Variants in CELF2 observed in about 807,000 individuals in gnomAD.
CELF2 encodes the protein CUG triplet repeat RNA-binding protein 2.
Under a neutral mutation model 62.6 loss-of-function variants are expected in CELF2, and 8 were observed. The ratio of observed to expected loss-of-function variants is 0.13; its 90% CI spans 0.07 to 0.23. CELF2 has a LOEUF of 0.23. Ranked by LOEUF, CELF2 falls within the 10% of genes least tolerant of loss-of-function variation. The pLI, the probability that CELF2 is intolerant of heterozygous loss-of-function variation, is 1.00. For synonymous variants in CELF2, 258 were observed against 250.0 expected, an observed-to-expected ratio of 1.03 and a Z score of -0.30; for missense variants, 333 against 671.0, an observed-to-expected ratio of 0.50 and a Z score of 5.56.
At chr10:10,674,383 C>T in the CELF2 span, among the ~76,000 whole-genome samples, 9 of 152,108 alleles carry the variant, frequency 5.9e-5, no homozygotes, top group South Asian at 6.2e-4. Context: ...GTTCTTTATC[C>T]GCTTACTTTT....
At chr10:10,824,386 G>A (rs924950476) in intron 1 of CELF2, among the ~76,000 whole-genome samples, 1 of 152,128 alleles carries the variant, frequency 6.6e-6, no homozygotes, top group Non-Finnish European at 1.5e-5. Flanking sequence ...TCACCTCTCA[G>A]TTTTATCCAC....
chr10:11,185,942 C>G (rs554481057), intron 2 of CELF2, among the ~76,000 whole-genome samples: 18 of 152,292 alleles, frequency 1.2e-4, no homozygotes, highest in African/African-American at 3.8e-4. Context: ...TGGTAGAATT[C>G]ATCACATAAG....
In CELF2 at chr10:10,802,522, A is replaced by G. The variant is rs559038203; in HGVS notation, c.53+3705A>G. Among the ~76,000 whole-genome samples the G allele has an allele frequency of 2.7e-5, 4 of 150,068 alleles. No homozygotes were observed. The South Asian group carries it at 6.4e-4, about 24-fold the overall frequency. On this transcript the variant is annotated intron_variant, in intron 1 of 13. Coordinates refer to the CELF2 transcript ENST00000636488. ...TAAACTTGAACATATGCTGAGTGCA[A>G]CAAGATGAGATGTTTATAGATAAGA...
chr10:10,828,524 G>A (rs760074281), intron 1 of CELF2, among the ~76,000 whole-genome samples: 3 of 152,252 alleles, frequency 2.0e-5, no homozygotes, highest in Middle Eastern at 6.8e-3. Context: ...GGGAGAATGG[G>A]GAGCTGTTTA....
At chr10:10,760,236 T>C in the CELF2 span, among the ~76,000 whole-genome samples, 3 of 152,170 alleles carry the variant, frequency 2.0e-5, no homozygotes, top group East Asian at 1.9e-4. Context: ...TCTTGACTCT[T>C]ACCTTTCCTG....
At chr10:11,295,207 AT>A (rs137918228) in intron 9 of CELF2, among the ~76,000 whole-genome samples, 3,607 of 151,012 alleles carry the variant, frequency 0.024, 60 homozygotes, top group Non-Finnish European at 0.037. Context: ...CTCTTGATAG[AT>A]TTTTTTTTTC....
At position 11,284,216 on chromosome 10, in the gene CELF2, T is replaced by C. The variant is rs867048524; in HGVS notation, c.842-4202T>C. The stretch of plus-strand genomic sequence containing the variant: ...GTGGTGGGTGGGTGAGGGATGAGTG[T>C]GTGGTGGGTGGATGAGGGATGGAGG... On this transcript the variant is annotated intron_variant, in intron 8 of 12. Coordinates refer to ENST00000633077, the MANE Select transcript of CELF2 (RefSeq NM_001326342.2). Among the ~76,000 whole-genome samples, 75 of 35,022 alleles carry C rather than the reference T, an allele frequency of 2.1e-3. 2 individuals carry two copies. The highest frequency in any genetic ancestry group is 9.7e-3 in the African/African-American group (64 of 6,572). 23.0% of individuals were successfully genotyped at this position (35,022 alleles called of 152,430 possible). A position where few individuals can be genotyped will look rare whatever the true frequency, so the allele number is the denominator to read the frequency against.
chr10:11,031,671 G>A (rs2060133287), intron 1 of CELF2, among the ~76,000 whole-genome samples: 1 of 152,102 alleles, frequency 6.6e-6, no homozygotes, highest in Non-Finnish European at 1.5e-5. Context: ...TGCTACTGAT[G>A]CAAACATTAT....
At chr10:10,927,123 C>T (rs1378378323) in intron 2 of CELF2, 1 of 152,004 alleles carries the variant, frequency 6.6e-6, no homozygotes, top group East Asian at 1.9e-4. Flanking sequence ...TTTCATCCAG[C>T]TCCATGATTT....
chr10:11,273,645 G>C (rs1212675826), intron 7 of CELF2, among the ~76,000 whole-genome samples: 1 of 152,140 alleles, frequency 6.6e-6, no homozygotes, highest in African/African-American at 2.4e-5. Context: ...AAACTGGAAA[G>C]ACCTGGACTT....
chr10:11,116,103 T>A (rs1181767147), intron 1 of CELF2, among the ~76,000 whole-genome samples: 2 of 152,208 alleles, frequency 1.3e-5, no homozygotes, highest in African/African-American at 2.4e-5. Flanking sequence ...AATTTCTCGA[T>A]AAAATCCTTT....
At chr10:10,859,720 T>C (rs1454150867) in intron 1 of CELF2, among the ~76,000 whole-genome samples, 1 of 152,078 alleles carries the variant, frequency 6.6e-6, no homozygotes, top group African/African-American at 2.4e-5. Flanking sequence ...TGCCACTAGG[T>C]TTTCTGACTC....
the CELF2 span, among the ~76,000 whole-genome samples, chr10:10,693,111 G>A: frequency 1.2e-5 from 1 of 84,430 alleles, no homozygotes; most frequent in Non-Finnish European, 2.4e-5. Context: ...AATGCTTCCA[G>A]TTTTTGCCCA....
intron 1 of CELF2, among the ~76,000 whole-genome samples, chr10:11,149,113 C>T (rs886783693): frequency 6.6e-6 from 1 of 152,164 alleles, no homozygotes; most frequent in East Asian, 1.9e-4. Flanking sequence ...TTCTGTCACC[C>T]AGGCTGGAGT....
In CELF2 at chr10:10,978,037, T is replaced by C. The variant is rs545457103; in HGVS notation, c.89+58038T>C. Among the ~76,000 whole-genome samples, 353 of 148,032 alleles carry C rather than the reference T, an allele frequency of 2.4e-3. 3 individuals carry two copies. The highest frequency in any genetic ancestry group is 8.4e-3 in the African/African-American group (325 of 38,592). ...TTTTGGGTTTGGGTTTTTTTTTGTT[T>C]TTTGTTTTTTTTTTTCCAGAGAAAG... On this transcript the variant is annotated intron_variant, in intron 2 of 13. Coordinates refer to the CELF2 transcript ENST00000636488.
At position 11,243,890 on chromosome 10, in the gene CELF2, C is replaced by T. The variant is rs931807398; in HGVS notation, c.355-5263C>T. 2.0e-5 allele frequency among the ~76,000 whole-genome samples: 3 copies of T among 152,226 alleles called. No individual in the cohort carries two copies. In the South Asian group the frequency reaches 6.2e-4, roughly 32 times the overall value. On this transcript the variant is annotated intron_variant, in intron 3 of 12. Transcript: ENST00000633077. The surrounding 1 kb of genome is among the most constrained non-coding windows in gnomAD (Gnocchi z 4.1). ...ACTCCTTGCAAAAATTCTGGAAGAT[C>T]GTGTACTCCCTTGTCATAGACAGAG...
chr10:11,039,883 T>TG lies in CELF2; in HGVS notation c.74+21725dup, dbSNP rs772884057. Among the ~76,000 whole-genome samples, 6 of 152,176 alleles carry TG rather than the reference T, an allele frequency of 3.9e-5. No homozygotes were observed. Among genetic ancestry groups the TG allele is most frequent in the Non-Finnish European group, 2.9e-5 (2 of 68,028 alleles). Reference sequence around the variant, plus strand: ...GGTAACATTGGAATGTGGTATGTGTTGGGGGTGGGATCTTCCTGTTTGTTT... The same window carrying TG: ...GGTAACATTGGAATGTGGTATGTGTTGGGGGGTGGGATCTTCCTGTTTGTTT... On this transcript the variant is annotated intron_variant, in intron 1 of 12. Transcript: ENST00000633077. The surrounding 1 kb of genome is among the most constrained non-coding windows in gnomAD (Gnocchi z 4.1).
chr10:11,009,009 G>A (rs1450260246), intron 1 of CELF2, among the ~76,000 whole-genome samples: 2 of 82,958 alleles, frequency 2.4e-5, no homozygotes, highest in Non-Finnish European at 4.1e-5. Flanking sequence ...AATTTGCGGG[G>A]GGGGGGGGGG....
chr10:10,974,235 A>G (rs999406689), intron 2 of CELF2, among the ~76,000 whole-genome samples: 27 of 152,180 alleles, frequency 1.8e-4, no homozygotes, highest in Non-Finnish European at 3.2e-4. Flanking sequence ...ATCATTTTTT[A>G]TGTTAGATTC....
Sources: gnomAD v4.1 joint callset for allele counts (sites outside exome capture counted in the v4.1 genomes callset) on GRCh38, gnomAD v4.1.1 for gene constraint, Gnocchi (gnomAD v3.1) non-coding constraint, MANE v1.5 for transcripts, NCBI Gene and HGNC (gene_info 2026-07-23, HGNC 2026-07-21) for gene names.